MID1: variants seen among roughly 807,000 people sequenced by gnomAD.
MID1 encodes the protein midline 1.
In MID1, 7 loss-of-function variants were observed where a neutral mutation model predicts 40.4. The observed-to-expected ratio is 0.17, with a 90% CI of 0.10 to 0.33. MID1 has a LOEUF of 0.33. MID1 is among the 10% of genes least tolerant of loss of function. MID1 has a pLI of 1.00. For missense variants in MID1, 367 were observed against 558.5 expected (o/e 0.66, Z 3.46); for synonymous variants, 229 against 221.2 (o/e 1.04, Z -0.31).
chrX:10,732,330 A>G (rs185648905), intron 1 of MID1, among the ~76,000 whole-genome samples: 180 of 112,464 alleles, frequency 1.6e-3, no homozygotes, highest in Non-Finnish European at 2.9e-3. Context: ...TACACTATTA[A>G]TGACATTTTA....
At chrX:10,458,203 A>C (rs1270049669) in intron 8 of MID1, among the ~76,000 whole-genome samples, 1 of 112,572 alleles carries the variant, frequency 8.9e-6, no homozygotes, top group Admixed American at 9.4e-5. Flanking sequence ...TGCTGATCTA[A>C]GTGTGCATAG....
chrX:10,735,344 C>G (rs187320099), intron 1 of MID1, among the ~76,000 whole-genome samples: 1 of 112,353 alleles, frequency 8.9e-6, no homozygotes, highest in African/African-American at 3.2e-5. Context: ...TCAGGTGATC[C>G]GTCTGCCTCA....
chrX:10,596,798 C>G (rs952046802), intron 1 of MID1, among the ~76,000 whole-genome samples: 13 of 112,021 alleles, frequency 1.2e-4, no homozygotes, highest in African/African-American at 4.2e-4. Context: ...ACTAAGGGAG[C>G]CCTGGGGACA....
At chrX:10,708,522 AG>A (rs993762387) in intron 1 of MID1, among the ~76,000 whole-genome samples, 1 of 110,986 alleles carries the variant, frequency 9.0e-6, no homozygotes, top group African/African-American at 3.3e-5. Flanking sequence ...AGGGGAAATG[AG>A]GGAAGTCTAG....
chrX:10,626,599 C>T (rs1935998650), intron 1 of MID1, among the ~76,000 whole-genome samples: 1 of 111,210 alleles, frequency 9.0e-6, no homozygotes, highest in Admixed American at 9.6e-5. Flanking sequence ...CTTTGCCCTT[C>T]CTGGATTTCT....
intron 1 of MID1, among the ~76,000 whole-genome samples, chrX:10,600,287 C>T (rs1321228830): frequency 1.2e-4 from 13 of 110,099 alleles, no homozygotes; most frequent in Non-Finnish European, 2.5e-4. Context: ...ATAGTGAGAC[C>T]CCATCTCAAC....
chrX:10,809,532 T>G (rs1428058024), intron 1 of MID1, among the ~76,000 whole-genome samples: 1 of 111,610 alleles, frequency 9.0e-6, no homozygotes, highest in African/African-American at 3.3e-5. Flanking sequence ...CCAACCCAAA[T>G]GTCCATCAAC....
chrX:10,678,006 G>A (rs1051631430), intron 1 of MID1, among the ~76,000 whole-genome samples: 1 of 110,735 alleles, frequency 9.0e-6, no homozygotes, highest in Non-Finnish European at 1.9e-5. Context: ...GAACATACTA[G>A]GCAGAGAATT....
intron 2 of MID1, 22 bp from the exon 3 acceptor site, chrX:10,523,209 AGAGG>A (rs1257637560): frequency 9.9e-7 from 1 of 1,005,391 alleles, no homozygotes; most frequent in Non-Finnish European, 1.4e-6. Flanking sequence ...AAAAAAAAAA[AGAGG>A]AAAAATATTA....
intron 1 of MID1, among the ~76,000 whole-genome samples, chrX:10,704,737 T>TACACACACACACAC (rs1463296582): frequency 3.5e-5 from 3 of 86,727 alleles, no homozygotes; most frequent in Non-Finnish European, 6.4e-5. Flanking sequence ...TATATATATA[T>TACACACACACACAC]ATACACACAC....
chrX:10,564,348 T>TA (rs1433084222), intron 2 of MID1, among the ~76,000 whole-genome samples: 1 of 112,624 alleles, frequency 8.9e-6, no homozygotes, highest in Non-Finnish European at 1.9e-5. Context: ...AAGTATGCGA[T>TA]AACTGAAATA....
At position 10,813,890 on chromosome X, in the gene MID1, T is replaced by C. The variant is rs950647391; in HGVS notation, c.-187+19664A>G. On this transcript the variant is annotated intron_variant, in intron 1 of 10. Transcript: ENST00000380785. ...GTTGGCAAACTTTTTCTCTAAAGTGTCAGGTAGTCAATGTTTTCCGCTTCA... is the reference window on the plus strand; with the variant it reads ...GTTGGCAAACTTTTTCTCTAAAGTGCCAGGTAGTCAATGTTTTCCGCTTCA... Among the ~76,000 whole-genome samples, 3 of 111,467 alleles carry C rather than the reference T, an allele frequency of 2.7e-5. 1 individual carries two copies. In the Admixed American group the frequency reaches 2.9e-4, roughly 11 times the overall value.
intron 1 of MID1, among the ~76,000 whole-genome samples, chrX:10,771,121 A>T (rs1039896805): frequency 2.2e-4 from 24 of 109,282 alleles, no homozygotes; most frequent in Non-Finnish European, 4.6e-4. Context: ...AAAAAAAAAA[A>T]GATTCTTTTT....
chrX:10,530,157 C>T (rs138738578), intron 2 of MID1, among the ~76,000 whole-genome samples: 2,158 of 111,665 alleles, frequency 0.019, 40 homozygotes, highest in African/African-American at 0.062. Flanking sequence ...TTTTCCAAAC[C>T]GGGATTTATA....
chrX:10,623,296 G>GAGAA (rs1287233659), upstream of MID1, among the ~76,000 whole-genome samples: 4 of 85,357 alleles, frequency 4.7e-5, no homozygotes, highest in Non-Finnish European at 8.8e-5. Context: ...AAAAGAAAGA[G>GAGAA]AGAAAGAAAG....
intron 1 of MID1, among the ~76,000 whole-genome samples, chrX:10,824,281 GA>G (rs1404546643): frequency 1.8e-5 from 2 of 111,966 alleles, no homozygotes; most frequent in Non-Finnish European, 3.8e-5. Flanking sequence ...TGGGGGTCTG[GA>G]AACAGAAATT....
At chrX:10,597,131 T>C (rs1452977977) in intron 1 of MID1, among the ~76,000 whole-genome samples, 1 of 111,315 alleles carries the variant, frequency 9.0e-6, no homozygotes, top group Non-Finnish European at 1.9e-5. Context: ...ATATGTATAA[T>C]GTATATTGGT....
intron 1 of MID1, among the ~76,000 whole-genome samples, chrX:10,570,835 T>C (rs1437539129): frequency 8.9e-6 from 1 of 112,591 alleles, no homozygotes; most frequent in African/African-American, 3.2e-5. Context: ...CAGGCCAGCA[T>C]TGGCCTGCAC....
In MID1 at chrX:10,559,033, A is replaced by G. The variant is rs1328988820; in HGVS notation, c.660+7855T>C. On this transcript the variant is annotated intron_variant, in intron 2 of 9. Transcript: ENST00000317552. ...GGAGGAGGAAAAGGAAGCTGCCTTG[A>G]GTTTCCCATTAAGAACATATGCCTG... 2.7e-5 allele frequency among the ~76,000 whole-genome samples: 3 copies of G among 112,273 alleles called. No homozygotes were observed. In the East Asian group the frequency reaches 8.3e-4, roughly 31 times the overall value.
Sources: allele counts gnomAD v4.1 joint callset (sites outside exome capture counted in the v4.1 genomes callset), GRCh38; gene constraint gnomAD v4.1.1; transcripts MANE v1.5; gene names NCBI Gene and HGNC (gene_info 2026-07-23, HGNC 2026-07-21).